Variants in DGKG observed in about 807,000 individuals in gnomAD.
The protein encoded by DGKG is DAG kinase gamma.
Under a neutral mutation model 105.3 loss-of-function variants are expected in DGKG, and 78 were observed. That is an observed-to-expected ratio of 0.74 (90% CI 0.62 to 0.89). The LOEUF (loss-of-function observed/expected upper bound fraction) is 0.89. DGKG is among the 40% of genes least tolerant of loss of function. The probability of loss-of-function intolerance (pLI) is 0.00; values close to 1 mark genes in which losing one functional copy is unlikely to be tolerated. For synonymous variants in DGKG, 346 were observed against 367.1 expected (o/e 0.94, Z 0.66); for missense variants, 958 against 1,020.1 (o/e 0.94, Z 0.83).
intron 22 of DGKG, among the ~76,000 whole-genome samples, chr3:186,178,408 G>A (rs1348962608): frequency 6.6e-6 from 1 of 152,196 alleles, no homozygotes; most frequent in Non-Finnish European, 1.5e-5. Flanking sequence ...AGATGGGCAA[G>A]TGCAAGAGGG....
intron 1 of DGKG, among the ~76,000 whole-genome samples, chr3:186,340,865 C>T (rs1333762092): frequency 6.6e-6 from 1 of 152,186 alleles, no homozygotes; most frequent in African/African-American, 2.4e-5. Flanking sequence ...AGCTCTGCCC[C>T]TTTCTCTCCA....
intron 21 of DGKG, 81 bp downstream of exon 21, chr3:186,211,714 A>G: frequency 9.4e-7 from 1 of 1,067,498 alleles, no homozygotes; most frequent in Non-Finnish European, 1.5e-6. Flanking sequence ...TAAGGTCCCA[A>G]GAGGATACAT....
At position 186,160,713 on chromosome 3, in the gene DGKG, A is replaced by C. The variant is rs1450351937; in HGVS notation, c.2277+890T>G. The C allele has an allele frequency of 4.1e-6, 4 of 985,334 alleles. No homozygotes were observed. The African/African-American group carries it at 7.0e-5, about 17-fold the overall frequency. 61.0% of individuals were successfully genotyped at this position (985,334 alleles called of 1,614,324 possible). ...TCCACTTTTGTCTTTTGAAATTTGC[A>C]TAGCTGCAATCTTATTGAGGGTATT... On this transcript the variant is annotated intron_variant, in intron 24 of 24. Transcript: ENST00000265022.
chr3:186,236,029 GCA>G (rs1720403705), intron 20 of DGKG, among the ~76,000 whole-genome samples: 2 of 152,190 alleles, frequency 1.3e-5, no homozygotes, highest in African/African-American at 4.8e-5. Context: ...CCTGGATTTG[GCA>G]CTGGACTTCG....
At chr3:186,237,922 C>T (rs1377053716) in intron 20 of DGKG, among the ~76,000 whole-genome samples, 1 of 152,206 alleles carries the variant, frequency 6.6e-6, no homozygotes, top group Non-Finnish European at 1.5e-5. Context: ...TAGTTCACCA[C>T]TTGGCATCTA....
chr3:186,249,168 G>A (rs958385516), intron 19 of DGKG, among the ~76,000 whole-genome samples: 3 of 152,040 alleles, frequency 2.0e-5, no homozygotes, highest in African/African-American at 7.2e-5. Context: ...CACTGGAGGG[G>A]GCACCTGGAA....
At chr3:186,161,834 G>T (rs1385900940) in intron 23 of DGKG, among the ~76,000 whole-genome samples, 171 bp from the exon 24 acceptor site, 1 of 152,222 alleles carries the variant, frequency 6.6e-6, no homozygotes, top group African/African-American at 2.4e-5. Context: ...CCACCTCAGG[G>T]AGTCTAACTT....
intron 21 of DGKG, among the ~76,000 whole-genome samples, chr3:186,200,988 G>A (rs1220457561): frequency 2.0e-5 from 3 of 152,176 alleles, no homozygotes; most frequent in African/African-American, 2.4e-5. Context: ...TGGGGGTGGG[G>A]GTGCCCAAAT....
chr3:186,234,940 C>T (rs2108544218), intron 20 of DGKG, among the ~76,000 whole-genome samples: 1 of 152,226 alleles, frequency 6.6e-6, no homozygotes, highest in South Asian at 2.1e-4. Context: ...CGTGGTTGCT[C>T]CCTTTTTTCT....
chr3:186,305,588 G>T (rs1228132512), intron 3 of DGKG, among the ~76,000 whole-genome samples: 1 of 152,182 alleles, frequency 6.6e-6, no homozygotes, highest in Non-Finnish European at 1.5e-5. Flanking sequence ...TTAACGGATT[G>T]CTCAGGATGT....
intron 19 of DGKG, among the ~76,000 whole-genome samples, chr3:186,246,714 G>C (rs886864717): frequency 6.6e-6 from 1 of 152,176 alleles, no homozygotes; most frequent in African/African-American, 2.4e-5. Context: ...CCAAGAATCT[G>C]CAGGAAAAAT....
chr3:186,272,636 G>T (rs940369299), intron 10 of DGKG, among the ~76,000 whole-genome samples: 1 of 152,212 alleles, frequency 6.6e-6, no homozygotes, highest in African/African-American at 2.4e-5. Flanking sequence ...TTCCTGAAGG[G>T]GAGTGTGCGG....
In DGKG at chr3:186,210,714, C is replaced by A. The variant is rs1282166437; in HGVS notation, c.1917+1081G>T. 11 of 425,190 alleles carry A rather than the reference C, an allele frequency of 2.6e-5. No individual in the cohort carries two copies. Among genetic ancestry groups the A allele is most frequent in the Admixed American group, 1.3e-4 (5 of 37,146 alleles). 26.3% of individuals were successfully genotyped at this position (425,190 alleles called of 1,614,324 possible). ...GGTGCCTCCTCCAGGGAGGCCCAGG[C>A]CCCACTGGACTGCAGTGCGGGCTTA... On this transcript the variant is annotated intron_variant, in intron 21 of 24. Transcript: ENST00000265022. This position sits in a 1 kb window ranked among gnomAD's most constrained non-coding sequence, Gnocchi z 5.2.
At position 186,280,713 on chromosome 3, in the gene DGKG, T is replaced by C. The variant is rs1380423128; in HGVS notation, c.626A>G (p.His209Arg). 9 of 1,613,932 alleles carry C rather than the reference T, an allele frequency of 5.6e-6. No individual in the cohort carries two copies. Among genetic ancestry groups the C allele is most frequent in the Non-Finnish European group, 6.8e-6 (8 of 1,179,978 alleles). Residue 209 changes from histidine (H) to arginine (R), a missense_variant, in exon 8 of 25, where the codon CAT becomes CGT. Physicochemically the swap from His to Arg is conservative, Grantham distance 29 (BLOSUM62 0). Around this residue, in one of 2 missense-constraint regions of DGKG, gnomAD observed 643 missense variants for 619.5 expected, o/e 1.04. Transcript: ENST00000265022. ...ATCCCACTCCAGGTACTGGGCAATA[T>C]GCAGCATTTGGTTGACAATGCAATC... The part of the protein sequence containing the change: ...EMDCIVNQML[H>R]IAQYLEWDPT...
At chr3:186,242,084 G>A (rs1720714316) in intron 20 of DGKG, among the ~76,000 whole-genome samples, 2 of 152,116 alleles carry the variant, frequency 1.3e-5, no homozygotes, top group Non-Finnish European at 2.9e-5. Flanking sequence ...TCCCATTTGA[G>A]ACCGACAGAA....
chr3:186,353,754 T>A (rs1297775351), intron 1 of DGKG, among the ~76,000 whole-genome samples: 3 of 151,704 alleles, frequency 2.0e-5, no homozygotes, highest in Non-Finnish European at 4.4e-5. Flanking sequence ...GTTGATCCTA[T>A]CCCAAGAAAT....
At chr3:186,187,492 A>G (rs1465205266) in intron 22 of DGKG, among the ~76,000 whole-genome samples, 4 of 152,212 alleles carry the variant, frequency 2.6e-5, no homozygotes, top group Non-Finnish European at 5.9e-5. Context: ...GGGGAGGGAC[A>G]GCAGAGCTCT....
intron 10 of DGKG, 24 bp downstream of exon 10, chr3:186,275,523 G>A (rs761464908): frequency 1.3e-6 from 2 of 1,589,072 alleles, no homozygotes; most frequent in Non-Finnish European, 1.7e-6. Context: ...CCTGGGGGAA[G>A]AGGTTTGAAG....
chr3:186,355,703 C>G (rs754876559), intron 1 of DGKG, among the ~76,000 whole-genome samples: 4 of 150,988 alleles, frequency 2.6e-5, no homozygotes, highest in Non-Finnish European at 4.4e-5. Context: ...TCACCATCAC[C>G]AGCACCAGCA....
Sources: gnomAD v4.1 joint callset for allele counts (sites outside exome capture counted in the v4.1 genomes callset) on GRCh38, gnomAD v4.1.1 for gene constraint, gnomAD v4.1.1 regional missense constraint, Gnocchi (gnomAD v3.1) non-coding constraint, MANE v1.5 for transcripts, NCBI Gene and HGNC (gene_info 2026-07-23, HGNC 2026-07-21) for gene names.